STARD7: variants seen among roughly 807,000 people sequenced by gnomAD.
STARD7 encodes StAR related lipid transfer domain containing 7, also known as stAR-related lipid transfer protein 7, mitochondrial.
STARD7 carries 30 observed loss-of-function variants against 45.3 expected under a neutral mutation model. That is an observed-to-expected ratio of 0.66 (90% CI 0.50 to 0.90). The LOEUF (loss-of-function observed/expected upper bound fraction) is 0.90. Among genes scored for constraint, STARD7 ranks in the 40% least tolerant of loss-of-function variants. The pLI is 0.00. For missense variants in STARD7, 495 were observed against 491.3 expected (o/e 1.01, Z -0.07); for synonymous variants, 199 against 183.0 (o/e 1.09, Z -0.70).
intron 1 of STARD7, among the ~76,000 whole-genome samples, chr2:96,202,833 T>C (rs897956984): frequency 2.0e-5 from 3 of 152,174 alleles, no homozygotes; most frequent in African/African-American, 7.2e-5. Flanking sequence ...GCTCATAAAA[T>C]AATTACATAG....
chr2:96,187,133 G>A, intron 7 of STARD7, 84 bp downstream of exon 7: 1 of 1,080,814 alleles, frequency 9.3e-7, no homozygotes, highest in Non-Finnish European at 1.4e-6. Context: ...AACCAGAAGA[G>A]ACGTTTTATT....
In STARD7 at chr2:96,187,234, C is replaced by T. The variant is rs901967167; in HGVS notation, c.911G>A (p.Ser304Asn). 15 of 1,613,524 alleles carry T rather than the reference C, an allele frequency of 9.3e-6. No homozygotes were observed. Among genetic ancestry groups the T allele is most frequent in the Non-Finnish European group, 1.3e-5 (15 of 1,179,482 alleles). The change falls in exon 7 of 8, where the codon AGT becomes AAT. Residue 304 changes from serine to asparagine, a missense_variant. Around this residue, in one of 2 missense-constraint regions of STARD7, gnomAD observed 213 missense variants for 271.2 expected, o/e 0.79. Transcript: ENST00000337288. ...TTACTTACCACTGGAAACCATCCAA[C>T]TAACACAGTAGCGAGGAAACACCGT... ...PQTVFPRYCV[S>N]WMVSSGMPDF... is the part of the protein sequence containing the mutation.
At chr2:96,205,912 C>G (rs970753041) in intron 1 of STARD7, among the ~76,000 whole-genome samples, 1 of 152,112 alleles carries the variant, frequency 6.6e-6, no homozygotes, top group Non-Finnish European at 1.5e-5. Context: ...CAAGCATGAA[C>G]CAAACAATGA....
chr2:96,187,078 G>T, intron 7 of STARD7, 139 bp downstream of exon 7: 2 of 884,100 alleles, frequency 2.3e-6, no homozygotes, highest in Non-Finnish European at 1.7e-6. Flanking sequence ...TGTTCCCAAA[G>T]CATGGGTTGT....
intron 5 of STARD7, 67 bp from the exon 6 acceptor site, chr2:96,192,535 G>C (rs1683141284): frequency 8.0e-7 from 1 of 1,251,700 alleles, no homozygotes; most frequent in South Asian, 1.2e-5. Flanking sequence ...GGAGAGCTAA[G>C]TTAAGGGGAA....
chr2:96,186,716 T>A lies in STARD7; in HGVS notation c.*14A>T. The A allele has an allele frequency of 6.3e-7, 1 of 1,594,246 alleles. No homozygotes were observed. The highest frequency in any genetic ancestry group is 8.5e-7 in the Non-Finnish European group (1 of 1,170,640). On this transcript the variant is annotated 3_prime_UTR_variant, in exon 8 of 8. Transcript: ENST00000337288. Reference sequence around the variant, plus strand: ...GGGCTAGAAGCACCTTGTCCCTTCTTATCCCAAAGCCTGTCAAGCATACTC... The same window carrying A: ...GGGCTAGAAGCACCTTGTCCCTTCTAATCCCAAAGCCTGTCAAGCATACTC...
chr2:96,203,024 G>A (rs753896456), intron 1 of STARD7, among the ~76,000 whole-genome samples: 1 of 152,200 alleles, frequency 6.6e-6, no homozygotes, highest in African/African-American at 2.4e-5. Flanking sequence ...TGGAGACACA[G>A]TATGAATGAT....
intron 1 of STARD7, among the ~76,000 whole-genome samples, chr2:96,197,078 A>ACGT (rs1558735792): frequency 7.3e-6 from 1 of 136,078 alleles, no homozygotes. Flanking sequence ...AAATAAAATA[A>ACGT]AATAAAATAA....
intron 6 of STARD7, among the ~76,000 whole-genome samples, chr2:96,188,929 CA>C (rs988590915): frequency 6.7e-6 from 1 of 148,534 alleles, no homozygotes; most frequent in Admixed American, 6.7e-5. Context: ...AACAAAAAAA[CA>C]AAAAAAACAC....
rs375422661 is a variant in STARD7 at position 96,195,755 on chromosome 2, C to T, written c.291-206G>A. On this transcript the variant is annotated intron_variant, in intron 1 of 7. Transcript: ENST00000337288. Reference sequence around the variant, plus strand: ...AACTAGATTATTATTTAACCAGTTCCTATTTCTAAATCTATAAAATGGAAA... The same window carrying T: ...AACTAGATTATTATTTAACCAGTTCTTATTTCTAAATCTATAAAATGGAAA... 1.5e-4 allele frequency among the ~76,000 whole-genome samples: 23 copies of T among 152,234 alleles called. No individual in the cohort carries two copies. In the East Asian group the frequency reaches 4.2e-3, roughly 28 times the overall value.
In STARD7 at chr2:96,191,809, G is replaced by A. The variant is rs3731934; in HGVS notation, c.843+560C>T. ...GGGAGAAACAAAGCCATTATAAGGT[G>A]AAGTGGAACTAAAACCAGCAGCCAC... is the stretch of plus-strand genomic sequence containing the variant. On this transcript the variant is annotated intron_variant, in intron 6 of 7. Transcript: ENST00000337288. Among the ~76,000 whole-genome samples, 305 of 152,204 alleles carry A rather than the reference G, an allele frequency of 2.0e-3. 9 individuals carry two copies. The East Asian group carries it at 0.038, about 19-fold the overall frequency.
chr2:96,189,296 A>G (rs1683088348), intron 6 of STARD7, among the ~76,000 whole-genome samples: 1 of 152,134 alleles, frequency 6.6e-6, no homozygotes, highest in South Asian at 2.1e-4. Context: ...CATTGCACAC[A>G]TATTGCTACA....
chr2:96,195,771 A>G (rs1224144833), intron 1 of STARD7, among the ~76,000 whole-genome samples: 1 of 152,174 alleles, frequency 6.6e-6, no homozygotes, highest in Non-Finnish European at 1.5e-5. Context: ...CTAAATCTAT[A>G]AAATGGAAAT....
chr2:96,199,991 G>T (rs377080751), intron 1 of STARD7, among the ~76,000 whole-genome samples: 2 of 152,196 alleles, frequency 1.3e-5, no homozygotes, highest in East Asian at 1.9e-4. Context: ...CGACCTTGCC[G>T]TTCCTTAAAT....
chr2:96,208,807 C>T lies in STARD7; in HGVS notation c.-373G>A. 1 of 402,298 alleles carries T rather than the reference C, an allele frequency of 2.5e-6. No individual in the cohort carries two copies. The highest frequency in any genetic ancestry group is 4.4e-6 in the Non-Finnish European group (1 of 226,752). 24.9% of individuals were successfully genotyped at this position (402,298 alleles called of 1,614,324 possible). A position where few individuals can be genotyped will look rare whatever the true frequency, so the allele number is the denominator to read the frequency against. ...TCAGGCCCAGCAGCACGCAAGCTCCCGCGCCTTCCGCGACTGCCACACGCG... is the reference window on the plus strand; with the variant it reads ...TCAGGCCCAGCAGCACGCAAGCTCCTGCGCCTTCCGCGACTGCCACACGCG... On this transcript the variant is annotated 5_prime_UTR_variant, in exon 1 of 8. Coordinates refer to ENST00000337288, the MANE Select transcript of STARD7 (RefSeq NM_020151.4).
In STARD7 at chr2:96,193,321, G is replaced by T; in HGVS notation, c.581C>A (p.Ala194Asp). The part of the protein sequence containing the change: ...LDTEYRKKWD[A>D]LVIKLEVIER... ...AATCACCTCCAGCTTGATTACCAGG[G>T]CATCCCATTTTTTTCTATACTCTGT... The change falls in exon 4 of 8, where the codon GCC becomes GAC. Residue 194 changes from alanine (A) to aspartate (D), a missense_variant. Transcript: ENST00000337288. The T allele has an allele frequency of 6.2e-7, 1 of 1,613,716 alleles. No individual in the cohort carries two copies. The highest frequency in any genetic ancestry group is 8.5e-7 in the Non-Finnish European group (1 of 1,179,706).
In STARD7 at chr2:96,208,193, C is replaced by G; in HGVS notation, c.242G>C (p.Gly81Ala). The change falls in exon 1 of 8, where the codon GGC (glycine) becomes GCC (alanine). Residue 81 changes from glycine (G) to alanine (A), a missense_variant. Physicochemically the swap from Gly to Ala is moderately conservative, Grantham distance 60. This residue lies in a region of STARD7 where 282 missense variants were observed against 220.1 expected (regional missense o/e 1.28). Coordinates refer to ENST00000337288, the MANE Select transcript of STARD7 (RefSeq NM_020151.4). ...CCTCTCCTCGTCCCAAACGAAGACGCCGGCTAACGCCGCCATCAAGGCAGA... is the reference window on the plus strand; with the variant it reads ...CCTCTCCTCGTCCCAAACGAAGACGGCGGCTAACGCCGCCATCAAGGCAGA... ...HASALMAALA[G>A]VFVWDEERIQ... 1.2e-6 allele frequency: 2 copies of G among 1,606,142 alleles called. No homozygotes were observed. Among genetic ancestry groups the G allele is most frequent in the Non-Finnish European group, 1.7e-6 (2 of 1,176,872 alleles).
Position 96,189,240 on chromosome 2 carries a change from T to A in STARD7, c.844-1939A>T, listed in dbSNP as rs180953528. On this transcript the variant is annotated intron_variant, in intron 6 of 7. Coordinates refer to ENST00000337288, the MANE Select transcript of STARD7 (RefSeq NM_020151.4). ...CTGCGATTACAGGCATGAGCTACCG[T>A]GCTCAGCCAGAGTGTTAAATTTCTA... is the stretch of plus-strand genomic sequence containing the variant. 2.0e-5 allele frequency among the ~76,000 whole-genome samples: 3 copies of A among 152,304 alleles called. No individual in the cohort carries two copies. The East Asian group carries it at 5.8e-4, about 29-fold the overall frequency.
intron 5 of STARD7, 123 bp downstream of exon 5, chr2:96,192,955 G>A: frequency 2.9e-6 from 2 of 701,452 alleles, no homozygotes; most frequent in African/African-American, 1.8e-5. Context: ...GATGGAAGGG[G>A]CACTGGCTGC....
Sources: allele counts gnomAD v4.1 joint callset (sites outside exome capture counted in the v4.1 genomes callset), GRCh38; gene constraint gnomAD v4.1.1; regional missense constraint gnomAD v4.1.1; transcripts MANE v1.5; gene names NCBI Gene and HGNC (gene_info 2026-07-23, HGNC 2026-07-21).